METAP1: variants seen among roughly 807,000 people sequenced by gnomAD.
The protein encoded by METAP1 is methionyl aminopeptidase 1, also known as methionine aminopeptidase 1.
METAP1 carries 28 observed loss-of-function variants against 53.8 expected under a neutral mutation model. The observed-to-expected ratio is 0.52, with a 90% CI of 0.39 to 0.71. The LOEUF is 0.71. Among genes scored for constraint, METAP1 ranks in the 30% least tolerant of loss-of-function variants. The pLI, the probability that METAP1 is intolerant of heterozygous loss-of-function variation, is 0.00. For missense variants in METAP1, 389 were observed against 479.8 expected (o/e 0.81, Z 1.77); for synonymous variants, 181 against 165.7 (o/e 1.09, Z -0.71).
intron 1 of METAP1, among the ~76,000 whole-genome samples, chr4:99,015,734 C>T (rs966451177): frequency 6.6e-6 from 1 of 152,074 alleles, no homozygotes; most frequent in African/African-American, 2.4e-5. Flanking sequence ...AGGCTAGTTG[C>T]CTTTGGTTAT....
At chr4:99,017,880 G>A (rs977378946) in intron 1 of METAP1, among the ~76,000 whole-genome samples, 8 of 152,250 alleles carry the variant, frequency 5.3e-5, no homozygotes, top group African/African-American at 1.2e-4. Context: ...ACTGGTTGCC[G>A]GTGGTCTCCA....
chr4:99,021,005 T>C (rs929264561), intron 1 of METAP1, among the ~76,000 whole-genome samples: 1 of 152,208 alleles, frequency 6.6e-6, no homozygotes, highest in Non-Finnish European at 1.5e-5. Flanking sequence ...GTGAGACTTT[T>C]TCCCAGTAGA....
At chr4:99,025,472 A>G (rs1724494740) in intron 1 of METAP1, 4 of 981,510 alleles carry the variant, frequency 4.1e-6, no homozygotes, top group Non-Finnish European at 4.8e-6. Context: ...CCTACATAGC[A>G]AATTCCCAGA....
At chr4:98,999,358 T>TAATA (rs1560688456) in intron 1 of METAP1, among the ~76,000 whole-genome samples, 1 of 151,924 alleles carries the variant, frequency 6.6e-6, no homozygotes, top group South Asian at 2.1e-4. Context: ...ATGGGGCTAT[T>TAATA]AATAATACCT....
chr4:99,013,156 C>G (rs1723569210), intron 1 of METAP1, among the ~76,000 whole-genome samples: 1 of 152,050 alleles, frequency 6.6e-6, no homozygotes, highest in African/African-American at 2.4e-5. Flanking sequence ...GTGGATTTTT[C>G]ACATTTCTAA....
intron 1 of METAP1, among the ~76,000 whole-genome samples, chr4:99,010,846 G>A (rs28792701): frequency 0.014 from 2,090 of 152,244 alleles, 42 homozygotes; most frequent in African/African-American, 0.047. Context: ...TTTTGGCAAC[G>A]TGTTGTAGTT....
At chr4:99,024,604 G>A (rs545051508) in intron 1 of METAP1, among the ~76,000 whole-genome samples, 125 of 152,332 alleles carry the variant, frequency 8.2e-4, no homozygotes, top group African/African-American at 2.8e-3. Flanking sequence ...TCCATCAAGT[G>A]CAGAGTCTGC....
Position 99,061,537 on chromosome 4 carries a change from C to T in METAP1, c.*220C>T, listed in dbSNP as rs1579351995. The T allele has an allele frequency of 2.6e-6, 1 of 380,742 alleles. No individual in the cohort carries two copies. The highest frequency in any genetic ancestry group is 4.6e-6 in the Non-Finnish European group (1 of 216,406). 23.6% of individuals were successfully genotyped at this position (380,742 alleles called of 1,614,324 possible). A position where few individuals can be genotyped will look rare whatever the true frequency, so the allele number is the denominator to read the frequency against. ...TTGCTCAACTCTTCAGCCCCCTCCC[C>T]CTGCACACCTGTTTTCTCATTTGCC... On this transcript the variant is annotated 3_prime_UTR_variant, in exon 11 of 11. Coordinates refer to ENST00000296411, the MANE Select transcript of METAP1 (RefSeq NM_015143.3).
At chr4:99,017,842 T>A (rs1357337541) in intron 1 of METAP1, among the ~76,000 whole-genome samples, 4 of 152,258 alleles carry the variant, frequency 2.6e-5, no homozygotes, top group Non-Finnish European at 4.4e-5. Flanking sequence ...CACTGGCAAC[T>A]GGATCTAAGA....
At chr4:99,059,386 G>T (rs919338552) in intron 10 of METAP1, among the ~76,000 whole-genome samples, 1 of 152,160 alleles carries the variant, frequency 6.6e-6, no homozygotes, top group African/African-American at 2.4e-5. Context: ...AAACATCGAT[G>T]TACTCATCTT....
intron 2 of METAP1, among the ~76,000 whole-genome samples, chr4:99,030,762 T>C (rs1724952379): frequency 6.7e-6 from 1 of 148,512 alleles, no homozygotes; most frequent in South Asian, 2.3e-4. Context: ...TTTCTTGTCA[T>C]GGAGACGATA....
chr4:99,005,670 TAA>T (rs1723142937), intron 1 of METAP1: 2 of 292,126 alleles, frequency 6.8e-6, no homozygotes, highest in Non-Finnish European at 1.4e-5. Context: ...GGAACCAACC[TAA>T]GTGTCAGCTG....
intron 1 of METAP1, among the ~76,000 whole-genome samples, chr4:99,012,134 C>G (rs1723504475): frequency 6.6e-6 from 1 of 152,108 alleles, no homozygotes; most frequent in Non-Finnish European, 1.5e-5. Context: ...TTCCTGGCCT[C>G]AGGCAGTCCT....
chr4:99,018,461 A>C (rs908396014), intron 1 of METAP1, among the ~76,000 whole-genome samples: 1 of 152,158 alleles, frequency 6.6e-6, no homozygotes, highest in African/African-American at 2.4e-5. Flanking sequence ...TATTCAGTGA[A>C]TCCTCAAATC....
intron 1 of METAP1, among the ~76,000 whole-genome samples, chr4:99,003,142 G>T (rs1723001140): frequency 6.6e-6 from 1 of 152,156 alleles, no homozygotes; most frequent in South Asian, 2.1e-4. Context: ...CTGCTAATGT[G>T]GCATTTATCT....
chr4:99,014,840 G>A (rs547617485), intron 1 of METAP1, among the ~76,000 whole-genome samples: 1 of 152,196 alleles, frequency 6.6e-6, no homozygotes, highest in Non-Finnish European at 1.5e-5. Context: ...GCTCTTAGAA[G>A]TGCCTTACCT....
intron 8 of METAP1, among the ~76,000 whole-genome samples, chr4:99,047,559 C>G (rs1726359733): frequency 6.6e-6 from 1 of 152,190 alleles, no homozygotes; most frequent in Non-Finnish European, 1.5e-5. Flanking sequence ...CCCCCAAAAT[C>G]AAGCTGCAAA....
In METAP1 at chr4:99,005,713, A is replaced by G. The variant is rs1331880784; in HGVS notation, c.114+9846A>G. The G allele has an allele frequency of 8.1e-6, 3 of 372,092 alleles. No homozygotes were observed. The Admixed American group carries it at 1.0e-4, about 13-fold the overall frequency. The allele number at this position is 372,092 out of a possible 1,614,324, so 23.0% of individuals were successfully genotyped here. On this transcript the variant is annotated intron_variant, in intron 1 of 10. Coordinates refer to ENST00000296411, the MANE Select transcript of METAP1 (RefSeq NM_015143.3). ...TGGATAAAGCAAATTTGATATATAT[A>G]CATCATGAAATACTCCCCAGCCATT...
chr4:99,026,266 A>T (rs768490413), intron 1 of METAP1: 1 of 985,276 alleles, frequency 1.0e-6, no homozygotes, highest in Non-Finnish European at 1.2e-6. Context: ...TGGATTGAAA[A>T]CTAAAGTTTT....
Sources: allele counts gnomAD v4.1 joint callset (sites outside exome capture counted in the v4.1 genomes callset), GRCh38; gene constraint gnomAD v4.1.1; transcripts MANE v1.5; gene names NCBI Gene and HGNC (gene_info 2026-07-23, HGNC 2026-07-21).